Variants in HSD11B1 observed in about 807,000 individuals in gnomAD.
HSD11B1 encodes 11-beta-hydroxysteroid dehydrogenase 1.
A neutral mutation model predicts 22.1 loss-of-function variants in HSD11B1; 15 were observed. The ratio of observed to expected loss-of-function variants is 0.68; its 90% CI spans 0.45 to 1.04. The LOEUF is 1.04. HSD11B1 is among the 50% of genes least tolerant of loss of function. The pLI, the probability that HSD11B1 is intolerant of heterozygous loss-of-function variation, is 0.00. For synonymous variants in HSD11B1, 122 were observed against 125.2 expected (o/e 0.97, Z 0.17); for missense variants, 281 against 357.6 (o/e 0.79, Z 1.73).
intron 4 of HSD11B1, among the ~76,000 whole-genome samples, chr1:209,709,828 TAA>T (rs2076883236): frequency 6.6e-6 from 1 of 152,172 alleles, no homozygotes; most frequent in Non-Finnish European, 1.5e-5. Context: ...TCTATTTGTG[TAA>T]AAGACACTGA....
intron 1 of HSD11B1, among the ~76,000 whole-genome samples, chr1:209,686,512 C>T (rs571579283): frequency 5.9e-5 from 9 of 152,260 alleles, no homozygotes; most frequent in Middle Eastern, 6.8e-3. Flanking sequence ...TGATAAGATG[C>T]AGATGGAACC....
intron 4 of HSD11B1, among the ~76,000 whole-genome samples, chr1:209,709,487 A>G (rs1474067683): frequency 6.6e-6 from 1 of 152,158 alleles, no homozygotes; most frequent in Non-Finnish European, 1.5e-5. Flanking sequence ...AAGTTCAGCT[A>G]CTGTAACGAA....
chr1:209,721,481 A>G (rs1378974666), intron 4 of HSD11B1, among the ~76,000 whole-genome samples: 2 of 151,776 alleles, frequency 1.3e-5, no homozygotes, highest in Non-Finnish European at 2.9e-5. Context: ...AAAAAAAAAA[A>G]AAAAAATCCC....
intron 1 of HSD11B1, among the ~76,000 whole-genome samples, chr1:209,694,992 C>A (rs551135726): frequency 6.6e-6 from 1 of 152,254 alleles, no homozygotes; most frequent in African/African-American, 2.4e-5. Context: ...AGGGAAGGAC[C>A]TGGTGGGAGG....
At chr1:209,700,852 G>C (rs2076822410), upstream of HSD11B1, among the ~76,000 whole-genome samples, 1 of 152,188 alleles carries the variant, frequency 6.6e-6, no homozygotes. Context: ...CTCTAGGGCA[G>C]GGGCAAATGC....
At chr1:209,718,088 G>A (rs1481619394) in intron 4 of HSD11B1, among the ~76,000 whole-genome samples, 2 of 152,100 alleles carry the variant, frequency 1.3e-5, no homozygotes, top group African/African-American at 4.8e-5. Flanking sequence ...CAGAGACTGG[G>A]AAGAATGTCA....
intron 4 of HSD11B1, among the ~76,000 whole-genome samples, chr1:209,719,842 A>C (rs2076954795): frequency 2.6e-5 from 4 of 152,234 alleles, no homozygotes; most frequent in Non-Finnish European, 5.9e-5. Context: ...TCCTATTGTG[A>C]ATAGTGCCAC....
intron 1 of HSD11B1, among the ~76,000 whole-genome samples, chr1:209,698,893 A>G (rs182622775): frequency 3.9e-5 from 6 of 152,270 alleles, no homozygotes; most frequent in Non-Finnish European, 7.4e-5. Context: ...GATTCCAGGT[A>G]TTCTACCCTC....
chr1:209,723,536 C>T (rs2076981426), intron 4 of HSD11B1, among the ~76,000 whole-genome samples: 1 of 152,160 alleles, frequency 6.6e-6, no homozygotes, highest in African/African-American at 2.4e-5. Context: ...TCTGGTTACT[C>T]CAGGTTAATA....
Position 209,705,877 on chromosome 1 carries a change from A to T in HSD11B1, c.155A>T (p.Tyr52Phe). The part of the protein sequence containing the change: ...ASKGIGREMA[Y>F]HLAKMGAHVV... ...AAAGGGATCGGAAGAGAGATGGCTT[A>T]TCATCTGGCGAAGATGGGAGCCCAT... is the stretch of plus-strand genomic sequence containing the variant. The change falls in exon 2 of 6, where the codon TAT becomes TTT. Residue 52 changes from tyrosine (Y) to phenylalanine (F), a missense_variant. Physicochemically the swap from Tyr to Phe is conservative, Grantham distance 22 (BLOSUM62 3). Coordinates refer to ENST00000367027, the MANE Select transcript of HSD11B1 (RefSeq NM_005525.4). The T allele has an allele frequency of 6.2e-7, 1 of 1,613,980 alleles. No individual in the cohort carries two copies. Among genetic ancestry groups the T allele is most frequent in the South Asian group, 1.1e-5 (1 of 91,080 alleles).
intron 1 of HSD11B1, among the ~76,000 whole-genome samples, chr1:209,695,944 T>C (rs2076788661): frequency 6.6e-6 from 1 of 152,230 alleles, no homozygotes; most frequent in Non-Finnish European, 1.5e-5. Flanking sequence ...CTGTCCATAA[T>C]AGCAAAAAAC....
In HSD11B1 at chr1:209,689,295, C is replaced by G. The variant is rs558860725; in HGVS notation, c.-49+3010C>G. Among the ~76,000 whole-genome samples, 27 of 152,256 alleles carry G rather than the reference C, an allele frequency of 1.8e-4. No homozygotes were observed. In the South Asian group the frequency reaches 5.6e-3, roughly 32 times the overall value. ...TAAGGATTCTTCCCTGTAGAAAGGA[C>G]TCAACCAAAGAGACAAACACTACAG... is the stretch of plus-strand genomic sequence containing the variant. On this transcript the variant is annotated intron_variant, in intron 1 of 6. Transcript: ENST00000261465.
intron 1 of HSD11B1, among the ~76,000 whole-genome samples, chr1:209,705,413 G>A (rs2076851741): frequency 6.8e-6 from 1 of 146,144 alleles, no homozygotes; most frequent in Non-Finnish European, 1.5e-5. Context: ...TGACTACATA[G>A]AAGTGAGGGA....
At chr1:209,715,033 A>G (rs768429412) in intron 4 of HSD11B1, among the ~76,000 whole-genome samples, 26 of 152,210 alleles carry the variant, frequency 1.7e-4, no homozygotes, top group Non-Finnish European at 4.4e-5. Flanking sequence ...CATAGGGTAA[A>G]GAAGGCATTC....
At chr1:209,699,549 G>C (rs757974158) in intron 1 of HSD11B1, among the ~76,000 whole-genome samples, 2 of 152,132 alleles carry the variant, frequency 1.3e-5, no homozygotes, top group Non-Finnish European at 2.9e-5. Context: ...AATTCTGGGA[G>C]ACACAATTCA....
chr1:209,710,653 A>AAAGAGTG, intron 4 of HSD11B1, among the ~76,000 whole-genome samples: 1 of 152,246 alleles, frequency 6.6e-6, no homozygotes, highest in Admixed American at 6.5e-5. Flanking sequence ...ACGTGTAGGG[A>AAAGAGTG]TAGTAATCCT....
At chr1:209,692,610 G>GGT (rs1553286711) in intron 1 of HSD11B1, among the ~76,000 whole-genome samples, 5 of 119,648 alleles carry the variant, frequency 4.2e-5, no homozygotes, top group African/African-American at 1.2e-4. Flanking sequence ...AAAATGGCGG[G>GGT]GGGGGGGGTG....
chr1:209,721,782 G>C (rs1009123034), intron 4 of HSD11B1, among the ~76,000 whole-genome samples: 31 of 152,206 alleles, frequency 2.0e-4, no homozygotes, highest in African/African-American at 7.0e-4. Flanking sequence ...CCTCTGGGAA[G>C]CCAATCCTTG....
At chr1:209,733,288 C>T (rs2077047002) in intron 5 of HSD11B1, among the ~76,000 whole-genome samples, 1 of 152,104 alleles carries the variant, frequency 6.6e-6, no homozygotes, top group African/African-American at 2.4e-5. Flanking sequence ...TACATGACCC[C>T]ACTCCAATCA....
Sources: gnomAD v4.1 joint callset for allele counts (sites outside exome capture counted in the v4.1 genomes callset) on GRCh38, gnomAD v4.1.1 for gene constraint, MANE v1.5 for transcripts, NCBI Gene and HGNC (gene_info 2026-07-23, HGNC 2026-07-21) for gene names.